Variants in ZDHHC22 observed in about 807,000 individuals in gnomAD.
ZDHHC22 encodes the protein palmitoyltransferase ZDHHC22.
Under a neutral mutation model 17.0 loss-of-function variants are expected in ZDHHC22, and 13 were observed. The observed-to-expected ratio is 0.76, with a 90% confidence interval of 0.50 to 1.21. The LOEUF (loss-of-function observed/expected upper bound fraction) is 1.21, where lower values mean the gene tolerates loss of function less well. Ranked by LOEUF, ZDHHC22 falls within the 50% of genes most tolerant of loss-of-function variation. The pLI, the probability that ZDHHC22 is intolerant of heterozygous loss-of-function variation, is 0.00. For synonymous variants in ZDHHC22, 138 were observed against 154.7 expected (o/e 0.89, Z 0.80); for missense variants, 319 against 342.3 (o/e 0.93, Z 0.54).
chr14:77,138,561 TAAAA>T (rs200809050), intron 2 of ZDHHC22, among the ~76,000 whole-genome samples: 1 of 145,346 alleles, frequency 6.9e-6, no homozygotes, highest in Non-Finnish European at 1.5e-5. Flanking sequence ...GACTCTGTCT[TAAAA>T]AAAAAAAACA....
intron 1 of ZDHHC22, 115 bp from the exon 2 acceptor site, chr14:77,139,867 C>A (rs940302597): frequency 8.0e-6 from 9 of 1,124,968 alleles, no homozygotes; most frequent in African/African-American, 1.6e-5. Context: ...CGCCCCCAAC[C>A]CCCTGTCCCG....
At chr14:77,136,433 T>A (rs1453408264) in intron 2 of ZDHHC22, among the ~76,000 whole-genome samples, 1 of 152,204 alleles carries the variant, frequency 6.6e-6, no homozygotes, top group Non-Finnish European at 1.5e-5. Flanking sequence ...CTTACTGGAC[T>A]TTCTGGTAGC....
chr14:77,133,988 C>T (rs1887087009), intron 2 of ZDHHC22, 40 bp from the exon 3 acceptor site: 3 of 1,512,858 alleles, frequency 2.0e-6, no homozygotes, highest in South Asian at 1.4e-5. Context: ...AGCCGCTTTA[C>T]ACCCAGGCCA....
chr14:77,137,579 G>A (rs180933156), intron 2 of ZDHHC22, among the ~76,000 whole-genome samples: 184 of 120,092 alleles, frequency 1.5e-3, no homozygotes, highest in African/African-American at 5.9e-3. Flanking sequence ...TTTTGGTCCC[G>A]GCAGCCTCCT....
intron 1 of ZDHHC22, 122 bp downstream of exon 1, chr14:77,141,481 G>A (rs1013336433): frequency 1.3e-5 from 2 of 153,232 alleles, no homozygotes; most frequent in Middle Eastern, 3.4e-3. Context: ...GCCTTGGAAA[G>A]ACCGGCAGCG....
In ZDHHC22 at chr14:77,139,416, T is replaced by A. The variant is rs1372837545; in HGVS notation, c.323A>T (p.Asp108Val). 1.2e-6 allele frequency: 2 copies of A among 1,611,256 alleles called. No homozygotes were observed. The highest frequency in any genetic ancestry group is 4.5e-5 in the East Asian group (2 of 44,788). ...RVCARVTLRH[D>V]HHCFFTGNCI... is the part of the protein sequence containing the mutation. ...GTTGCCGGTGAAGAAACAGTGATGGTCGTGCCTCAGGGTGACTCTGGCGCA... is the reference window on the plus strand; with the variant it reads ...GTTGCCGGTGAAGAAACAGTGATGGACGTGCCTCAGGGTGACTCTGGCGCA... Residue 108 changes from aspartate (D) to valine (V), a missense_variant, in exon 2 of 3, where the codon GAC becomes GTC. By Grantham distance (152) the Asp-to-Val change is radical. Transcript: ENST00000319374.
intron 2 of ZDHHC22, among the ~76,000 whole-genome samples, chr14:77,134,977 C>T (rs1309431869): frequency 4.6e-5 from 7 of 152,238 alleles, no homozygotes; most frequent in Non-Finnish European, 1.0e-4. Flanking sequence ...GAGCAGGAGA[C>T]TACATCCAAA....
chr14:77,140,939 C>G lies in ZDHHC22; in HGVS notation c.-15+664G>C, dbSNP rs567935633. ...GCCAGCCGGAGGCGCGAGAAAAGTTCTGGGAAGGCGGTTGCACCTAGGATG... is the reference window on the plus strand; with the variant it reads ...GCCAGCCGGAGGCGCGAGAAAAGTTGTGGGAAGGCGGTTGCACCTAGGATG... On this transcript the variant is annotated intron_variant, in intron 1 of 2. Transcript: ENST00000319374. The surrounding 1 kb of genome is among the most constrained non-coding windows in gnomAD (Gnocchi z 5.9). 6.6e-6 allele frequency: 1 copy of G among 152,360 alleles called. No individual in the cohort carries two copies. The highest frequency in any genetic ancestry group is 2.4e-5 in the African/African-American group (1 of 41,586). The allele number at this position is 152,360 out of a possible 1,614,324, so 9.4% of individuals were successfully genotyped here.
chr14:77,134,862 A>G (rs1285743349), intron 2 of ZDHHC22, among the ~76,000 whole-genome samples: 3 of 152,194 alleles, frequency 2.0e-5, no homozygotes, highest in African/African-American at 4.8e-5. Flanking sequence ...GTATAATAAC[A>G]CTAACGATTT....
intron 2 of ZDHHC22, 104 bp from the exon 3 acceptor site, chr14:77,134,052 G>A (rs950264774): frequency 7.5e-7 from 1 of 1,340,784 alleles, no homozygotes; most frequent in Non-Finnish European, 1.0e-6. Flanking sequence ...GGAGATTAAT[G>A]AGATTGACGC....
Position 77,132,504 on chromosome 14 carries a change from C to G in ZDHHC22, c.*1179G>C, listed in dbSNP as rs1887046554. On this transcript the variant is annotated 3_prime_UTR_variant, in exon 3 of 3. Coordinates refer to ENST00000319374, the MANE Select transcript of ZDHHC22 (RefSeq NM_174976.2). ...TTGCCTCTGGGTCCAGCAATCACAA[C>G]CAGGACATCAGAACCTTGGGGTTGG... The G allele has an allele frequency of 6.6e-6, 1 of 152,208 alleles. No individual in the cohort carries two copies. The highest frequency in any genetic ancestry group is 2.4e-5 in the African/African-American group (1 of 41,446). The allele number at this position is 152,208 out of a possible 1,614,324, so 9.4% of individuals were successfully genotyped here.
rs1887241226 is a variant in ZDHHC22, at chr14:77,140,908, G to T, written c.-15+695C>A. The T allele has an allele frequency of 6.6e-6, 1 of 152,244 alleles. No individual in the cohort carries two copies. The highest frequency in any genetic ancestry group is 1.5e-5 in the Non-Finnish European group (1 of 68,068). The allele number at this position is 152,244 out of a possible 1,614,324, so 9.4% of individuals were successfully genotyped here. On this transcript the variant is annotated intron_variant, in intron 1 of 2. Transcript: ENST00000319374. This position sits in a 1 kb window ranked among gnomAD's most constrained non-coding sequence, Gnocchi z 5.9. ...CGAGAGAACTTTTCCAGGGGCTAAG[G>T]AATCGGCCAGCCGGAGGCGCGAGAA...
chr14:77,136,846 C>T (rs942709564), intron 2 of ZDHHC22, among the ~76,000 whole-genome samples: 3 of 152,210 alleles, frequency 2.0e-5, no homozygotes, highest in Non-Finnish European at 4.4e-5. Flanking sequence ...TCATAGCTCA[C>T]TGCAGCCTCA....
At position 77,139,295 on chromosome 14, in the gene ZDHHC22, G is replaced by A. The variant is rs760421608; in HGVS notation, c.444C>T (p.Ile148=). ...CGAAGGAGATGGAAAGGACAGCGGA[G>A]ATGTAGGCCACGCCGGCCACCATGG... The part of the protein sequence containing the change: ...LYSMVAGVAY[I]SAVLSISFAH... Residue 148 remains isoleucine, a synonymous_variant, in exon 2 of 3, where the codon ATC becomes ATT. Transcript: ENST00000319374. 1.1e-5 allele frequency: 17 copies of A among 1,599,166 alleles called. 2 individuals are homozygous for A. In the Middle Eastern group the frequency reaches 2.2e-3, roughly 202 times the overall value.
In ZDHHC22 at chr14:77,140,322, T is replaced by C. The variant is rs1887228108; in HGVS notation, c.-14-570A>G. 6.6e-6 allele frequency among the ~76,000 whole-genome samples: 1 copy of C among 151,954 alleles called. No individual in the cohort carries two copies. The highest frequency in any genetic ancestry group is 6.6e-5 in the Admixed American group (1 of 15,262). On this transcript the variant is annotated intron_variant, in intron 1 of 2. Transcript: ENST00000319374. This position sits in a 1 kb window ranked among gnomAD's most constrained non-coding sequence, Gnocchi z 5.9. The stretch of plus-strand genomic sequence containing the variant: ...CAGGTTACCCAAGGCTCTTTGGAGG[T>C]ATGTGTGCGTGAGGGACCACGATGT...
rs899488486 is a variant in ZDHHC22 at position 77,131,490 on chromosome 14, G to C, written c.*2193C>G. Reference sequence around the variant, plus strand: ...CAGGAGGCTGGAAATAGCAGGGCTGGCTTCTAAGCTTGAGCTCTGGAGCCA... The same window carrying C: ...CAGGAGGCTGGAAATAGCAGGGCTGCCTTCTAAGCTTGAGCTCTGGAGCCA... On this transcript the variant is annotated 3_prime_UTR_variant, in exon 3 of 3. Transcript: ENST00000319374. 6.6e-6 allele frequency: 1 copy of C among 152,198 alleles called. No individual in the cohort carries two copies. The highest frequency in any genetic ancestry group is 1.5e-5 in the Non-Finnish European group (1 of 68,048). 9.4% of individuals were successfully genotyped at this position (152,198 alleles called of 1,614,324 possible).
chr14:77,137,730 C>T (rs1344674465), intron 2 of ZDHHC22, among the ~76,000 whole-genome samples: 2 of 152,180 alleles, frequency 1.3e-5, no homozygotes, highest in African/African-American at 2.4e-5. Context: ...TAGTTCTATG[C>T]CTGGGAAGAA....
Position 77,140,220 on chromosome 14 carries a change from C to T in ZDHHC22, c.-14-468G>A, listed in dbSNP as rs977671792. ...CAGCGGCACTTGACCTGCTGGAAATCCTGCTTCACACTCCCCTTTCTCCGT... is the reference window on the plus strand; with the variant it reads ...CAGCGGCACTTGACCTGCTGGAAATTCTGCTTCACACTCCCCTTTCTCCGT... On this transcript the variant is annotated intron_variant, in intron 1 of 2. Coordinates refer to ENST00000319374, the MANE Select transcript of ZDHHC22 (RefSeq NM_174976.2). The surrounding 1 kb of genome is among the most constrained non-coding windows in gnomAD (Gnocchi z 5.9). 2.6e-5 allele frequency among the ~76,000 whole-genome samples: 4 copies of T among 152,220 alleles called. No individual in the cohort carries two copies. In the South Asian group the frequency reaches 8.3e-4, roughly 32 times the overall value.
rs1594831582 is a variant in ZDHHC22 at position 77,139,339 on chromosome 14, A to G, written c.400T>C (p.Ser134Pro). 6.3e-7 allele frequency: 1 copy of G among 1,599,670 alleles called. No individual in the cohort carries two copies. Among genetic ancestry groups the G allele is most frequent in the East Asian group, 2.3e-5 (1 of 44,200 alleles). Residue 134 changes from serine (S) to proline (P), a missense_variant, in exon 2 of 3, where the codon TCC becomes CCC. Ser to Pro is a moderately conservative substitution (Grantham distance 74). Transcript: ENST00000319374. ...ACCATGGAGTAGAGGCAGGCCAGGG[A>G]GGTGTAGAGGCAGAACAGGACGAAG... ...RNFVLFCLYTSLACLYSMVAG... is the reference protein window; with the variant it reads ...RNFVLFCLYTPLACLYSMVAG...
Sources: allele counts gnomAD v4.1 joint callset (sites outside exome capture counted in the v4.1 genomes callset), GRCh38; gene constraint gnomAD v4.1.1; non-coding constraint Gnocchi (gnomAD v3.1); transcripts MANE v1.5; gene names NCBI Gene and HGNC (gene_info 2026-07-23, HGNC 2026-07-21).